The following CHD7 variants were observed in gnomAD, a reference collection of about 807,000 sequenced individuals.
The protein encoded by CHD7 is ATP-dependent chromatin remodeler CHD7.
In CHD7, 24 loss-of-function variants were observed where a neutral mutation model predicts 307.3. The observed-to-expected ratio is 0.08, with a 90% CI of 0.06 to 0.11. The LOEUF (loss-of-function observed/expected upper bound fraction) is 0.11, where lower values mean the gene tolerates loss of function less well. Among genes scored for constraint, CHD7 ranks in the 10% least tolerant of loss-of-function variants. The pLI, the probability that CHD7 is intolerant of heterozygous loss-of-function variation, is 1.00. For missense variants in CHD7, 3,106 were observed against 3,727.1 expected (o/e 0.83, Z 4.34); for synonymous variants, 1,363 against 1,349.9 (o/e 1.01, Z -0.21).
At position 60,814,507 on chromosome 8, in the gene CHD7, G is replaced by A. The variant is rs529795451; in HGVS notation, c.2499-1880G>A. Among the ~76,000 whole-genome samples the A allele has an allele frequency of 2.5e-3, 378 of 152,258 alleles. 3 individuals carry two copies. Among genetic ancestry groups the A allele is most frequent in the African/African-American group, 8.6e-3 (357 of 41,548 alleles). ...GTCACCCAGGCTTGAATGCAGTGGC[G>A]TGATCTCAGCTCACTGCAACCTCCA... On this transcript the variant is annotated intron_variant, in intron 7 of 37. Coordinates refer to ENST00000423902, the MANE Select transcript of CHD7 (RefSeq NM_017780.4).
chr8:60,852,230 A>G lies in CHD7; in HGVS notation c.5877A>G (p.Ile1959Met). 1 of 1,612,980 alleles carries G rather than the reference A, an allele frequency of 6.2e-7. No homozygotes were observed. Among genetic ancestry groups the G allele is most frequent in the East Asian group, 2.2e-5 (1 of 44,870 alleles). ...RALEAEREAI[I>M]SEKRQKWTRR... The stretch of plus-strand genomic sequence containing the variant: ...TGGAAGCGGAAAGGGAAGCTATTAT[A>G]TCTGAGAAGCGGCAAAAGTGAGTTT... Residue 1959 changes from isoleucine (I) to methionine (M), a missense_variant, in exon 29 of 38, where the codon ATA becomes ATG. This residue lies in a region of CHD7 where 1,030 missense variants were observed against 1,165.4 expected (regional missense o/e 0.88). Transcript: ENST00000423902.
chr8:60,730,230 C>G (rs558403546), intron 1 of CHD7, among the ~76,000 whole-genome samples: 1 of 152,198 alleles, frequency 6.6e-6, no homozygotes, highest in East Asian at 1.9e-4. Flanking sequence ...GGAAGGAAAC[C>G]CAGATGACTG....
intron 2 of CHD7, among the ~76,000 whole-genome samples, chr8:60,747,117 C>T (rs1363128119): frequency 2.6e-5 from 4 of 152,212 alleles, no homozygotes; most frequent in Admixed American, 2.6e-4. Context: ...TACTCTTTCG[C>T]CCAGGCTAGA....
At chr8:60,697,903 A>G (rs771132184) in intron 1 of CHD7, among the ~76,000 whole-genome samples, 4 of 152,254 alleles carry the variant, frequency 2.6e-5, no homozygotes, top group African/African-American at 4.8e-5. Flanking sequence ...AGGTGGACTC[A>G]TGAGTTAGGT....
chr8:60,821,516 A>G (rs752774294), intron 9 of CHD7, among the ~76,000 whole-genome samples: 4 of 151,726 alleles, frequency 2.6e-5, no homozygotes, highest in Non-Finnish European at 5.9e-5. Context: ...CTTAATGTGT[A>G]TGTAAATATA....
chr8:60,807,053 C>T (rs192310435), intron 6 of CHD7, among the ~76,000 whole-genome samples: 1 of 152,250 alleles, frequency 6.6e-6, no homozygotes, highest in African/African-American at 2.4e-5. Context: ...TTAGGTTTAA[C>T]TGTTATAAGT....
chr8:60,819,040 G>A (rs181720516), intron 8 of CHD7, among the ~76,000 whole-genome samples: 186 of 152,144 alleles, frequency 1.2e-3, no homozygotes, highest in African/African-American at 4.1e-3. Context: ...TGCAACCTCC[G>A]CCTCCCGGGT....
At chr8:60,725,030 G>C (rs926554075) in intron 1 of CHD7, among the ~76,000 whole-genome samples, 1 of 152,186 alleles carries the variant, frequency 6.6e-6, no homozygotes, top group African/African-American at 2.4e-5. Flanking sequence ...TTGTTTAAAA[G>C]AACTGTTATC....
At chr8:60,808,370 AT>A in intron 7 of CHD7, 98 bp downstream of exon 7, 2 of 787,430 alleles carry the variant, frequency 2.5e-6, no homozygotes, top group Non-Finnish European at 4.2e-6. Context: ...AAACTTTGGT[AT>A]GATTTCTTTA....
intron 2 of CHD7, among the ~76,000 whole-genome samples, chr8:60,772,488 C>A (rs1563587128): frequency 6.6e-6 from 1 of 152,180 alleles, no homozygotes; most frequent in Non-Finnish European, 1.5e-5. Context: ...AGCGTTTTGA[C>A]CAGCCAGGAA....
chr8:60,864,703 C>A (rs948565661), intron 37 of CHD7: 2 of 314,828 alleles, frequency 6.4e-6, no homozygotes, highest in Non-Finnish European at 1.2e-5. Flanking sequence ...TCTTACTCAT[C>A]CTGTCTAACT....
At chr8:60,703,901 T>C (rs559704018) in intron 1 of CHD7, among the ~76,000 whole-genome samples, 115 of 152,354 alleles carry the variant, frequency 7.5e-4, no homozygotes, top group African/African-American at 2.7e-3. Flanking sequence ...CCTCAGTTCC[T>C]GGATCCACAA....
rs1806261034 is a variant in CHD7, at chr8:60,866,911, A to C, written c.*978A>C. The stretch of plus-strand genomic sequence containing the variant: ...CCATGATATGCAGAGATGTAATTAT[A>C]GAATGTAGTATATAGGGAAACTGGT... On this transcript the variant is annotated 3_prime_UTR_variant, in exon 38 of 38. Coordinates refer to ENST00000423902, the MANE Select transcript of CHD7 (RefSeq NM_017780.4). The C allele has an allele frequency of 6.6e-6, 1 of 152,628 alleles. No homozygotes were observed. The highest frequency in any genetic ancestry group is 2.1e-4 in the South Asian group (1 of 4,828). The allele number at this position is 152,628 out of a possible 1,614,324, so 9.5% of individuals were successfully genotyped here.
intron 2 of CHD7, among the ~76,000 whole-genome samples, chr8:60,766,084 T>C (rs1810457289): frequency 6.6e-6 from 1 of 152,272 alleles, no homozygotes; most frequent in Non-Finnish European, 1.5e-5. Flanking sequence ...CTGCTTATCA[T>C]TCACCTAGAA....
At chr8:60,731,079 G>A (rs1808432214) in intron 1 of CHD7, among the ~76,000 whole-genome samples, 1 of 152,196 alleles carries the variant, frequency 6.6e-6, no homozygotes, top group Non-Finnish European at 1.5e-5. Flanking sequence ...AACTGTGGCA[G>A]TGTCAACGTG....
chr8:60,782,180 G>A (rs1040189947), intron 3 of CHD7, among the ~76,000 whole-genome samples: 2 of 152,172 alleles, frequency 1.3e-5, no homozygotes, highest in Non-Finnish European at 2.9e-5. Context: ...TTTTCAGAAT[G>A]TGGCTCATGT....
chr8:60,740,632 G>A (rs1808949212), intron 1 of CHD7, among the ~76,000 whole-genome samples: 1 of 152,214 alleles, frequency 6.6e-6, no homozygotes, highest in Non-Finnish European at 1.5e-5. Flanking sequence ...TCTCAAGGTT[G>A]CTTTTCAACA....
intron 1 of CHD7, among the ~76,000 whole-genome samples, chr8:60,741,050 AG>A (rs1438927163): frequency 2.0e-5 from 3 of 152,330 alleles, no homozygotes; most frequent in African/African-American, 7.2e-5. Context: ...TTGCTTTCTA[AG>A]TAACCGATCA....
intron 15 of CHD7, among the ~76,000 whole-genome samples, chr8:60,833,019 C>T (rs192959722): frequency 2.6e-4 from 40 of 152,214 alleles, no homozygotes; most frequent in East Asian, 7.7e-4. Flanking sequence ...ACTAAGCGCA[C>T]GCAGCTGCCC....
Sources: allele counts gnomAD v4.1 joint callset (sites outside exome capture counted in the v4.1 genomes callset), GRCh38; gene constraint gnomAD v4.1.1; regional missense constraint gnomAD v4.1.1; transcripts MANE v1.5; gene names NCBI Gene and HGNC (gene_info 2026-07-23, HGNC 2026-07-21).